HTR2C: variants seen among roughly 807,000 people sequenced by gnomAD.
HTR2C encodes 5-hydroxytryptamine receptor 2C.
HTR2C carries 5 observed loss-of-function variants against 21.0 expected under a neutral mutation model. That is an observed-to-expected ratio of 0.24 (90% CI 0.12 to 0.50). The LOEUF (loss-of-function observed/expected upper bound fraction) is 0.50, where lower values mean the gene tolerates loss of function less well. Among genes scored for constraint, HTR2C ranks in the 20% least tolerant of loss-of-function variants. The pLI is 0.98. For synonymous variants in HTR2C, 150 were observed against 145.3 expected, an observed-to-expected ratio of 1.03 and a Z score of -0.23; for missense variants, 271 against 371.2, an observed-to-expected ratio of 0.73 and a Z score of 2.22.
intron 5 of HTR2C, among the ~76,000 whole-genome samples, chrX:114,886,014 T>G (rs946564672): frequency 2.7e-5 from 3 of 111,351 alleles, no homozygotes; most frequent in Admixed American, 9.6e-5. Flanking sequence ...CCATTTTCAC[T>G]TCATGCATTT....
At chrX:114,825,436 G>A (rs377571515) in intron 4 of HTR2C, among the ~76,000 whole-genome samples, 1 of 111,780 alleles carries the variant, frequency 8.9e-6, no homozygotes, top group East Asian at 2.8e-4. Flanking sequence ...CAAGATATCT[G>A]TTTTATTTGT....
intron 1 of HTR2C, among the ~76,000 whole-genome samples, chrX:114,608,946 T>C (rs1357253678): frequency 8.9e-6 from 1 of 112,143 alleles, no homozygotes; most frequent in East Asian, 2.8e-4. Flanking sequence ...TAAGAAGCAA[T>C]TGATTGAAGT....
chrX:114,836,562 G>A (rs1490191097), intron 4 of HTR2C, among the ~76,000 whole-genome samples: 3 of 111,908 alleles, frequency 2.7e-5, no homozygotes, highest in African/African-American at 9.7e-5. Flanking sequence ...CCCTGCTTCG[G>A]CTCGTGCACG....
chrX:114,767,269 G>T (rs2069956037), intron 4 of HTR2C, among the ~76,000 whole-genome samples: 1 of 110,824 alleles, frequency 9.0e-6, no homozygotes, highest in Non-Finnish European at 1.9e-5. Flanking sequence ...CGTACTTAGA[G>T]TATACATGGG....
At chrX:114,726,508 A>G (rs1055124477) in intron 2 of HTR2C, among the ~76,000 whole-genome samples, 52 of 112,565 alleles carry the variant, frequency 4.6e-4, no homozygotes, top group Non-Finnish European at 8.8e-4. Flanking sequence ...TGTAGACCGG[A>G]GCTGTTCCTC....
intron 2 of HTR2C, among the ~76,000 whole-genome samples, chrX:114,723,116 T>C (rs1933293972): frequency 1.8e-5 from 2 of 111,393 alleles, no homozygotes; most frequent in Admixed American, 1.9e-4. Context: ...GTACCTCTGG[T>C]AGAATTTGGC....
intron 4 of HTR2C, among the ~76,000 whole-genome samples, chrX:114,784,596 CCTT>C (rs1207886603): frequency 2.8e-5 from 3 of 107,589 alleles, no homozygotes; most frequent in Non-Finnish European, 5.7e-5. Flanking sequence ...CTTCACATGG[CCTT>C]CTTCTTGTAC....
chrX:114,812,017 G>A (rs1293459218), intron 4 of HTR2C, among the ~76,000 whole-genome samples: 3 of 111,054 alleles, frequency 2.7e-5, no homozygotes, highest in African/African-American at 9.9e-5. Context: ...TGCCATGGTG[G>A]TTTGCTGCAC....
intron 2 of HTR2C, among the ~76,000 whole-genome samples, chrX:114,676,145 C>T (rs1329912496): frequency 9.0e-6 from 1 of 111,546 alleles, no homozygotes; most frequent in Non-Finnish European, 1.9e-5. Flanking sequence ...GCTGGGATTA[C>T]AGGTGTGAGC....
intron 5 of HTR2C, among the ~76,000 whole-genome samples, chrX:114,854,448 G>T (rs1556470304): frequency 1.8e-5 from 2 of 110,796 alleles, no homozygotes; most frequent in African/African-American, 6.6e-5. Context: ...GGGTACAAGT[G>T]CAGTTTTGAT....
At chrX:114,861,396 T>C (rs782071311) in intron 5 of HTR2C, among the ~76,000 whole-genome samples, 6 of 111,549 alleles carry the variant, frequency 5.4e-5, no homozygotes, top group African/African-American at 9.7e-5. Flanking sequence ...TGTATACATA[T>C]GTGCCACCGC....
intron 2 of HTR2C, among the ~76,000 whole-genome samples, chrX:114,673,838 T>G (rs1242993365): frequency 8.9e-6 from 1 of 111,888 alleles, no homozygotes; most frequent in Non-Finnish European, 1.9e-5. Flanking sequence ...TGTGGAAACT[T>G]TTTTTGCTAT....
chrX:114,730,661 C>A, intron 3 of HTR2C, among the ~76,000 whole-genome samples: 1 of 111,973 alleles, frequency 8.9e-6, no homozygotes, highest in East Asian at 2.8e-4. Context: ...CTGATGGCAA[C>A]TTAATTCCTT....
Position 114,606,670 on chromosome X carries a change from C to T in HTR2C, c.-146-7145C>T, listed in dbSNP as rs369949125. Among the ~76,000 whole-genome samples the T allele has an allele frequency of 9.0e-3, 1,006 of 111,551 alleles. 13 individuals are homozygous for T. Among genetic ancestry groups the T allele is most frequent in the African/African-American group, 0.031 (935 of 30,633 alleles). On this transcript the variant is annotated intron_variant, in intron 1 of 5. Transcript: ENST00000276198. ...CCTGATTTAAAATTGGTGAGATGTT[C>T]CTTGGGCTGGTCGGTCTGAGGACAT...
At position 114,761,997 on chromosome X, in the gene HTR2C, TACAC is replaced by T. The variant is rs1556432668; in HGVS notation, c.349+30392_349+30395del. On this transcript the variant is annotated intron_variant, in intron 4 of 5. Transcript: ENST00000276198. ...TATATACGTGTATATATACTATATA[TACAC>T]ATATATATAGTATATATACTATTTG... Among the ~76,000 whole-genome samples, 7 of 6,672 alleles carry T rather than the reference TACAC, an allele frequency of 1.0e-3. 2 individuals are homozygous for T. The highest frequency in any genetic ancestry group is 9.1e-3 in the Admixed American group (3 of 330). The allele number at this position is 6,672 out of a possible 115,157, so 5.8% of individuals were successfully genotyped here.
chrX:114,812,747 A>G (rs926808487), intron 4 of HTR2C, among the ~76,000 whole-genome samples: 9 of 22,637 alleles, frequency 4.0e-4, no homozygotes, highest in Admixed American at 1.8e-3. Context: ...CAAACAAACA[A>G]ACAAACAAAA....
chrX:114,673,746 A>T (rs897269357), intron 2 of HTR2C, among the ~76,000 whole-genome samples: 4 of 109,882 alleles, frequency 3.6e-5, no homozygotes, highest in Non-Finnish European at 7.6e-5. Context: ...TTTTAAAACT[A>T]TTTTTTTTCA....
intron 4 of HTR2C, among the ~76,000 whole-genome samples, chrX:114,780,058 A>G (rs1189428733): frequency 2.7e-5 from 3 of 112,023 alleles, no homozygotes; most frequent in South Asian, 3.7e-4. Context: ...ACAATACAAT[A>G]TAACAAGTAT....
chrX:114,818,339 T>A (rs909592157), intron 4 of HTR2C, among the ~76,000 whole-genome samples: 3 of 112,015 alleles, frequency 2.7e-5, no homozygotes, highest in African/African-American at 9.7e-5. Flanking sequence ...CTTCAGGTGT[T>A]CAAGTTCCTC....
Sources: allele counts gnomAD v4.1 joint callset (sites outside exome capture counted in the v4.1 genomes callset), GRCh38; gene constraint gnomAD v4.1.1; transcripts MANE v1.5; gene names NCBI Gene and HGNC (gene_info 2026-07-23, HGNC 2026-07-21).